The following CCDC178 variants were observed in gnomAD, a reference collection of about 807,000 sequenced individuals.
CCDC178 encodes coiled-coil domain containing 178.
Under a neutral mutation model 117.4 loss-of-function variants are expected in CCDC178, and 126 were observed. The ratio of observed to expected loss-of-function variants is 1.07; its 90% CI spans 0.93 to 1.24. The LOEUF (loss-of-function observed/expected upper bound fraction) is 1.24. Ranked by LOEUF, CCDC178 falls within the 50% of genes most tolerant of loss-of-function variation. CCDC178 has a pLI of 0.00. For synonymous variants in CCDC178, 283 were observed against 313.4 expected (o/e 0.90, Z 1.02); for missense variants, 1,030 against 986.9 (o/e 1.04, Z -0.59).
chr18:33,319,630 A>G (rs973789920), intron 11 of CCDC178, among the ~76,000 whole-genome samples: 2 of 152,172 alleles, frequency 1.3e-5, no homozygotes, highest in Non-Finnish European at 2.9e-5. Flanking sequence ...GTCTTCCACA[A>G]TGGTTGAACT....
chr18:33,408,149 T>C (rs1177925426), intron 3 of CCDC178, among the ~76,000 whole-genome samples: 3 of 151,794 alleles, frequency 2.0e-5, no homozygotes, highest in Non-Finnish European at 4.4e-5. Flanking sequence ...GAAAAAAAAG[T>C]CCAGAAAAAT....
chr18:33,438,134 A>G (rs984916904), intron 2 of CCDC178, among the ~76,000 whole-genome samples: 3 of 152,184 alleles, frequency 2.0e-5, no homozygotes, highest in Non-Finnish European at 4.4e-5. Context: ...CACAGTGATC[A>G]GCATGGAACA....
At chr18:32,981,181 A>T (rs1449918773) in intron 21 of CCDC178, among the ~76,000 whole-genome samples, 1 of 152,216 alleles carries the variant, frequency 6.6e-6, no homozygotes, top group Non-Finnish European at 1.5e-5. Context: ...CTGTCTCTAA[A>T]AAAATAAAAT....
intron 20 of CCDC178, among the ~76,000 whole-genome samples, chr18:33,102,797 C>G (rs1328717052): frequency 6.6e-6 from 1 of 151,810 alleles, no homozygotes; most frequent in African/African-American, 2.4e-5. Context: ...AAATGATATT[C>G]TAGATCAGGG....
At chr18:33,057,858 T>C (rs948697309) in intron 21 of CCDC178, among the ~76,000 whole-genome samples, 3 of 152,224 alleles carry the variant, frequency 2.0e-5, no homozygotes, top group African/African-American at 7.2e-5. Context: ...GTATTTTGTA[T>C]CTAGACACCA....
intron 20 of CCDC178, among the ~76,000 whole-genome samples, chr18:33,123,823 T>C (rs1457465918): frequency 1.3e-5 from 2 of 152,090 alleles, no homozygotes; most frequent in African/African-American, 4.8e-5. Flanking sequence ...TTGAAGGAAA[T>C]GGAAATCCAA....
chr18:33,389,938 A>G (rs1249637397), intron 4 of CCDC178, among the ~76,000 whole-genome samples: 1 of 151,128 alleles, frequency 6.6e-6, no homozygotes. Context: ...AGCAAGGCAG[A>G]GATTTGTGTG....
chr18:33,153,273 G>A (rs866202037), intron 20 of CCDC178, among the ~76,000 whole-genome samples: 3 of 151,402 alleles, frequency 2.0e-5, no homozygotes, highest in Non-Finnish European at 4.4e-5. Context: ...TGCCTTTAGG[G>A]AGGGCCAAGG....
chr18:33,399,559 C>T (rs1258081100), intron 3 of CCDC178, among the ~76,000 whole-genome samples: 2 of 152,168 alleles, frequency 1.3e-5, no homozygotes, highest in East Asian at 3.8e-4. Flanking sequence ...GTATCTTCAC[C>T]AGGAATAGAG....
intron 18 of CCDC178, among the ~76,000 whole-genome samples, chr18:33,221,509 G>A (rs2059234210): frequency 6.6e-6 from 1 of 152,068 alleles, no homozygotes; most frequent in Non-Finnish European, 1.5e-5. Flanking sequence ...AGGCAAAGAG[G>A]TATGTATAAG....
intron 7 of CCDC178, among the ~76,000 whole-genome samples, chr18:33,355,749 A>C (rs1363096395): frequency 1.2e-4 from 19 of 152,166 alleles, no homozygotes; most frequent in Non-Finnish European, 2.8e-4. Flanking sequence ...TGCTTTTTGC[A>C]AACACTGCCT....
chr18:33,180,023 G>A (rs1808707781), intron 20 of CCDC178, among the ~76,000 whole-genome samples: 1 of 151,772 alleles, frequency 6.6e-6, no homozygotes, highest in South Asian at 2.1e-4. Context: ...TTTGCTTGGA[G>A]GCTATTCAAA....
At chr18:33,064,577 A>G (rs1363592072) in intron 21 of CCDC178, among the ~76,000 whole-genome samples, 1 of 152,224 alleles carries the variant, frequency 6.6e-6, no homozygotes, top group Non-Finnish European at 1.5e-5. Context: ...ATTTTTGATG[A>G]GGATGTGTAG....
At chr18:33,189,286 T>A (rs2058830242) in intron 20 of CCDC178, among the ~76,000 whole-genome samples, 1 of 152,114 alleles carries the variant, frequency 6.6e-6, no homozygotes, top group South Asian at 2.1e-4. Flanking sequence ...GCAAGTAGTA[T>A]AAGCAGCAGA....
chr18:33,114,858 A>T (rs1253725619), intron 20 of CCDC178, among the ~76,000 whole-genome samples: 1 of 152,080 alleles, frequency 6.6e-6, no homozygotes, highest in African/African-American at 2.4e-5. Context: ...ATATTTCCAA[A>T]GGCCAAAGTT....
intron 21 of CCDC178, among the ~76,000 whole-genome samples, chr18:33,000,747 A>G (rs1260645568): frequency 6.6e-6 from 1 of 152,176 alleles, no homozygotes; most frequent in Non-Finnish European, 1.5e-5. Flanking sequence ...TATGAAGGAG[A>G]TATTAAAGAA....
intron 11 of CCDC178, among the ~76,000 whole-genome samples, chr18:33,309,351 T>C (rs2062304008): frequency 6.6e-6 from 1 of 152,120 alleles, no homozygotes; most frequent in Non-Finnish European, 1.5e-5. Context: ...AAATAATGAC[T>C]GGAAATAATG....
At chr18:33,373,058 A>T (rs1289400434) in intron 5 of CCDC178, among the ~76,000 whole-genome samples, 2 of 152,216 alleles carry the variant, frequency 1.3e-5, no homozygotes, top group Admixed American at 1.3e-4. Flanking sequence ...TTTGTCCTCC[A>T]TGCAAAGACT....
At chr18:33,279,869 T>A (rs2059999241) in intron 12 of CCDC178, among the ~76,000 whole-genome samples, 3 of 152,156 alleles carry the variant, frequency 2.0e-5, no homozygotes, top group Admixed American at 6.5e-5. Context: ...CCCTATTTAA[T>A]AAATGGTACT....
Sources: gnomAD v4.1 joint callset for allele counts (sites outside exome capture counted in the v4.1 genomes callset) on GRCh38, gnomAD v4.1.1 for gene constraint, MANE v1.5 for transcripts, NCBI Gene and HGNC (gene_info 2026-07-23, HGNC 2026-07-21) for gene names.